The following TTLL5 variants were observed in gnomAD, a reference collection of about 807,000 sequenced individuals.
TTLL5 encodes the protein tubulin polyglutamylase TTLL5.
TTLL5 carries 132 observed loss-of-function variants against 168.4 expected under a neutral mutation model. The ratio of observed to expected loss-of-function variants is 0.78; its 90% CI spans 0.68 to 0.91. The LOEUF is 0.91. TTLL5 is among the 40% of genes least tolerant of loss of function. The pLI is 0.00. For missense variants in TTLL5, 1,545 were observed against 1,581.5 expected (o/e 0.98, Z 0.39); for synonymous variants, 546 against 558.6 (o/e 0.98, Z 0.32).
At chr14:75,882,270 G>T (rs374780643) in intron 29 of TTLL5, among the ~76,000 whole-genome samples, 2 of 152,108 alleles carry the variant, frequency 1.3e-5, no homozygotes, top group East Asian at 1.9e-4. Flanking sequence ...TTTGGATTGG[G>T]CAGGAATCAA....
intron 31 of TTLL5, among the ~76,000 whole-genome samples, chr14:75,943,727 T>G (rs1352385258): frequency 6.6e-6 from 1 of 152,030 alleles, no homozygotes; most frequent in African/African-American, 2.4e-5. Context: ...GCCAGCAAAA[T>G]AATAGATAAC....
intron 28 of TTLL5, among the ~76,000 whole-genome samples, chr14:75,832,736 A>G (rs1169418797): frequency 2.0e-5 from 3 of 152,202 alleles, no homozygotes; most frequent in Non-Finnish European, 4.4e-5. Context: ...AATCTCTCCC[A>G]GAATTGAGGT....
intron 22 of TTLL5, among the ~76,000 whole-genome samples, chr14:75,776,205 A>G (rs1304126868): frequency 6.6e-6 from 1 of 152,216 alleles, no homozygotes. Flanking sequence ...AGCTGATAGA[A>G]ATTTAAATGG....
chr14:75,692,867 T>A (rs1195340853), intron 6 of TTLL5, among the ~76,000 whole-genome samples: 1 of 152,006 alleles, frequency 6.6e-6, no homozygotes, highest in East Asian at 1.9e-4. Flanking sequence ...ATCCAGGTAG[T>A]GTGTTTTGCA....
At chr14:75,805,430 T>C (rs1013855127) in intron 27 of TTLL5, among the ~76,000 whole-genome samples, 1 of 152,236 alleles carries the variant, frequency 6.6e-6, no homozygotes, top group African/African-American at 2.4e-5. Context: ...CTCCCTGGTC[T>C]TTTGGGATCC....
chr14:75,685,375 CAAAA>C (rs34567697), intron 5 of TTLL5, among the ~76,000 whole-genome samples: 2 of 68,622 alleles, frequency 2.9e-5, no homozygotes, highest in Admixed American at 1.4e-4. Flanking sequence ...GACTCTGTCT[CAAAA>C]AAAAAAAAAA....
rs537231998 is a variant in TTLL5 at position 75,922,162 on chromosome 14, A to C, written c.3823+19938A>C. 6.2e-5 allele frequency among the ~76,000 whole-genome samples: 6 copies of C among 96,286 alleles called. No individual in the cohort carries two copies. In the East Asian group the frequency reaches 1.3e-3, roughly 20 times the overall value. 63.2% of individuals were successfully genotyped at this position (96,286 alleles called of 152,430 possible). A position where few individuals can be genotyped will look rare whatever the true frequency, so the allele number is the denominator to read the frequency against. On this transcript the variant is annotated intron_variant, in intron 31 of 31. Coordinates refer to ENST00000298832, the MANE Select transcript of TTLL5 (RefSeq NM_015072.5). ...AGACGATGGGGTTTTCTAAATATAC[A>C]ATCATGTCATCTGCAAACGGACAAT...
intron 31 of TTLL5, among the ~76,000 whole-genome samples, chr14:75,924,510 A>G (rs1035953108): frequency 1.3e-5 from 2 of 151,854 alleles, no homozygotes; most frequent in African/African-American, 2.4e-5. Context: ...GCCTTCAAGC[A>G]TCTGTTTAAC....
At position 75,703,754 on chromosome 14, in the gene TTLL5, C is replaced by G. The variant is rs1021369903; in HGVS notation, c.586-3264C>G. Reference sequence around the variant, plus strand: ...ATATTCGTGAATATAATTCTGTACTCTCTTGTTTCTGTTTGTTTATGTGTT... The same window carrying G: ...ATATTCGTGAATATAATTCTGTACTGTCTTGTTTCTGTTTGTTTATGTGTT... On this transcript the variant is annotated intron_variant, in intron 7 of 31. Coordinates refer to ENST00000298832, the MANE Select transcript of TTLL5 (RefSeq NM_015072.5). Among the ~76,000 whole-genome samples the G allele has an allele frequency of 2.6e-5, 4 of 152,142 alleles. No homozygotes were observed. In the East Asian group the frequency reaches 7.7e-4, roughly 29 times the overall value.
chr14:75,769,734 T>C (rs1424287458), intron 20 of TTLL5, among the ~76,000 whole-genome samples: 1 of 152,212 alleles, frequency 6.6e-6, no homozygotes, highest in Non-Finnish European at 1.5e-5. Flanking sequence ...TAGGTGAATT[T>C]ATTGACCCAA....
chr14:75,812,717 A>C (rs1464812692), intron 27 of TTLL5, among the ~76,000 whole-genome samples: 1 of 152,134 alleles, frequency 6.6e-6, no homozygotes, highest in Non-Finnish European at 1.5e-5. Flanking sequence ...AGCTTTGTGG[A>C]GGAGAGGAAG....
intron 9 of TTLL5, among the ~76,000 whole-genome samples, chr14:75,715,577 T>C (rs2140192110): frequency 6.6e-6 from 1 of 152,240 alleles, no homozygotes; most frequent in East Asian, 1.9e-4. Flanking sequence ...GCACACCTTT[T>C]CTCTCCATAG....
At chr14:75,926,994 G>A (rs942902265) in intron 31 of TTLL5, among the ~76,000 whole-genome samples, 10 of 152,236 alleles carry the variant, frequency 6.6e-5, no homozygotes, top group South Asian at 2.1e-4. Flanking sequence ...GGCGGGGGCC[G>A]AGAAATGGGG....
At chr14:75,754,221 C>T (rs1210859431) in intron 18 of TTLL5, among the ~76,000 whole-genome samples, 1 of 151,910 alleles carries the variant, frequency 6.6e-6, no homozygotes, top group Non-Finnish European at 1.5e-5. Flanking sequence ...TTTTGCTTTT[C>T]GATTAGTTTT....
chr14:75,890,206 C>T (rs1021546378), intron 30 of TTLL5, among the ~76,000 whole-genome samples: 3 of 151,954 alleles, frequency 2.0e-5, no homozygotes, highest in Non-Finnish European at 2.9e-5. Flanking sequence ...GTGAATAGGC[C>T]GCATATTTGT....
intron 5 of TTLL5, among the ~76,000 whole-genome samples, chr14:75,685,783 A>G (rs1289825109): frequency 2.0e-5 from 3 of 152,202 alleles, no homozygotes; most frequent in Admixed American, 2.0e-4. Flanking sequence ...CTAGAAAGCT[A>G]TATATTTAAA....
intron 7 of TTLL5, among the ~76,000 whole-genome samples, chr14:75,701,904 T>C (rs956675194): frequency 6.6e-6 from 1 of 152,202 alleles, no homozygotes; most frequent in Non-Finnish European, 1.5e-5. Flanking sequence ...TTTGAAAATA[T>C]TCTTTCTGTC....
chr14:75,719,882 T>A (rs1209918275), intron 11 of TTLL5, 56 bp downstream of exon 11: 2 of 1,528,200 alleles, frequency 1.3e-6, no homozygotes, highest in African/African-American at 2.7e-5. Flanking sequence ...ACTTTATCAT[T>A]GTCTCTTGCC....
intron 12 of TTLL5, among the ~76,000 whole-genome samples, chr14:75,731,916 G>A (rs1054246606): frequency 6.6e-6 from 1 of 152,134 alleles, no homozygotes; most frequent in East Asian, 1.9e-4. Flanking sequence ...AAAGTTGGCA[G>A]GGAGGGATTG....
Sources: gnomAD v4.1 joint callset for allele counts (sites outside exome capture counted in the v4.1 genomes callset) on GRCh38, gnomAD v4.1.1 for gene constraint, MANE v1.5 for transcripts, NCBI Gene and HGNC (gene_info 2026-07-23, HGNC 2026-07-21) for gene names.